Variants in LRTM1 observed in about 807,000 individuals in gnomAD.
The protein encoded by LRTM1 is leucine rich repeat transmembrane protein 1, also known as leucine-rich repeat and transmembrane domain-containing protein 1.
LRTM1 carries 38 observed loss-of-function variants against 32.4 expected under a neutral mutation model. The ratio of observed to expected loss-of-function variants is 1.17; its 90% CI spans 0.91 to 1.54. The LOEUF (loss-of-function observed/expected upper bound fraction) is 1.54. Ranked by LOEUF, LRTM1 falls within the 40% of genes most tolerant of loss-of-function variation. The pLI is 0.00. For missense variants in LRTM1, 466 were observed against 415.4 expected, an observed-to-expected ratio of 1.12 and a Z score of -1.06; for synonymous variants, 186 against 169.9, an observed-to-expected ratio of 1.09 and a Z score of -0.74.
In LRTM1 at chr3:54,918,432, G is replaced by T; in HGVS notation, c.*27C>A. 4 of 1,535,184 alleles carry T rather than the reference G, an allele frequency of 2.6e-6. No homozygotes were observed. In the South Asian group the frequency reaches 4.5e-5, roughly 17 times the overall value. ...CAGACACTATCTTCTGGCCTGCAAT[G>T]ACCAATCCTATTTGAGACAAAAGCT... On this transcript the variant is annotated 3_prime_UTR_variant, in exon 3 of 3. Transcript: ENST00000273286.
chr3:54,945,397 C>T (rs1377841007), intron 1 of LRTM1, among the ~76,000 whole-genome samples: 1 of 152,154 alleles, frequency 6.6e-6, no homozygotes, highest in African/African-American at 2.4e-5. Context: ...TCTTCAAATG[C>T]CATCTCTTTT....
intron 1 of LRTM1, among the ~76,000 whole-genome samples, chr3:54,926,251 T>G (rs1223164818): frequency 6.6e-6 from 1 of 152,198 alleles, no homozygotes; most frequent in Non-Finnish European, 1.5e-5. Flanking sequence ...TATAAATATG[T>G]ATATTAATTA....
exon 1 of LRTM1, chr3:54,966,982 G>A (rs182104028): frequency 6.6e-6 from 1 of 152,362 alleles, no homozygotes; most frequent in Admixed American, 6.5e-5. Context: ...CCAGCAGGGA[G>A]CAAGAACAGG....
At chr3:54,927,068 T>A (rs1240034404) in intron 1 of LRTM1, among the ~76,000 whole-genome samples, 1 of 152,162 alleles carries the variant, frequency 6.6e-6, no homozygotes, top group Non-Finnish European at 1.5e-5. Context: ...TATCCAAAAC[T>A]CAAAATAGTT....
At position 54,918,799 on chromosome 3, in the gene LRTM1, G is replaced by A; in HGVS notation, c.698C>T (p.Pro233Leu). ...RIPHELYQPC[P>L]LPAPDPVSSQ... ...GGACACTGGATCAGGAGCAGGAAGA[G>A]GGCAGGGCTGGTACAGCTCATGAGG... The change falls in exon 3 of 3, where the codon CCT (proline) becomes CTT (leucine). Residue 233 changes from proline to leucine, a missense_variant. Transcript: ENST00000273286. 1 of 1,613,848 alleles carries A rather than the reference G, an allele frequency of 6.2e-7. No homozygotes were observed. The highest frequency in any genetic ancestry group is 1.7e-5 in the Admixed American group (1 of 60,008).
At chr3:54,956,438 T>C (rs1701894933) in intron 1 of LRTM1, among the ~76,000 whole-genome samples, 1 of 152,216 alleles carries the variant, frequency 6.6e-6, no homozygotes, top group Non-Finnish European at 1.5e-5. Flanking sequence ...AACCTTCCTG[T>C]CTTTGTCTTT....
At chr3:54,955,418 C>T (rs1701862509) in intron 1 of LRTM1, among the ~76,000 whole-genome samples, 1 of 151,944 alleles carries the variant, frequency 6.6e-6, no homozygotes, top group Non-Finnish European at 1.5e-5. Flanking sequence ...GATGAGATTT[C>T]TAGGGCAGGG....
rs758377265 is a variant in LRTM1, at chr3:54,924,619, C to A, written c.604G>T (p.Gly202Trp). ...KLWLEKFVYK[G>W]GLTDGIICES... ...GGGGTTCCAAATAGACATGACTGAC[C>A]TTTATAGACAAATTTCTCCAGCCAG... The change falls in exon 2 of 3, where the codon GGG (glycine) becomes TGG (tryptophan). Residue 202 changes from glycine to tryptophan, a missense_variant and splice_region_variant. Gly to Trp is a radical substitution (Grantham distance 184, BLOSUM62 -2). Transcript: ENST00000273286. 1.2e-6 allele frequency: 2 copies of A among 1,612,398 alleles called. No individual in the cohort carries two copies. The highest frequency in any genetic ancestry group is 1.7e-6 in the Non-Finnish European group (2 of 1,178,790).
At chr3:54,930,847 A>G (rs898188020), upstream of LRTM1, among the ~76,000 whole-genome samples, 11 of 152,114 alleles carry the variant, frequency 7.2e-5, no homozygotes, top group African/African-American at 1.4e-4. Flanking sequence ...TGTAATCCCA[A>G]TATACTTTGG....
chr3:54,948,531 G>C (rs929845822), intron 1 of LRTM1, among the ~76,000 whole-genome samples: 5 of 151,318 alleles, frequency 3.3e-5, no homozygotes, highest in African/African-American at 1.2e-4. Flanking sequence ...TTCACCATGA[G>C]CACCTCTGCA....
chr3:54,933,299 T>C lies in LRTM1; in HGVS notation c.-221-8084A>G, dbSNP rs563894097. ...GCTATTTTAACAAACAACACCCAAA[T>C]CTCAGTGGTTTAACAGAATAGCTCA... On this transcript the variant is annotated intron_variant, in intron 1 of 2. Coordinates refer to the LRTM1 transcript ENST00000493075. 3.9e-5 allele frequency among the ~76,000 whole-genome samples: 6 copies of C among 152,308 alleles called. No individual in the cohort carries two copies. In the South Asian group the frequency reaches 1.2e-3, roughly 32 times the overall value.
Position 54,957,960 on chromosome 3 carries a change from A to G in LRTM1, c.-222+8968T>C, listed in dbSNP as rs1180039611. 2.0e-5 allele frequency among the ~76,000 whole-genome samples: 3 copies of G among 152,210 alleles called. No homozygotes were observed. In the East Asian group the frequency reaches 5.8e-4, roughly 29 times the overall value. On this transcript the variant is annotated intron_variant, in intron 1 of 2. Transcript: ENST00000493075. ...TTGGGACAGAGTCCAAACCACATGG[A>G]TGGCAGAGGTAGATGTCTGGAGAGA...
intron 1 of LRTM1, among the ~76,000 whole-genome samples, chr3:54,964,216 G>A (rs1437519747): frequency 6.6e-6 from 1 of 152,148 alleles, no homozygotes; most frequent in Non-Finnish European, 1.5e-5. Flanking sequence ...GTGTTCCTGG[G>A]TGGTGAGTAA....
intron 1 of LRTM1, among the ~76,000 whole-genome samples, chr3:54,926,505 TACACACACACACACACACACAC>T (rs36205023): frequency 1.3e-4 from 18 of 143,312 alleles, no homozygotes; most frequent in South Asian, 2.4e-4. Context: ...GCCTGTCAAA[TACACACACACACACACACACAC>T]ACACACACAC....
intron 1 of LRTM1, among the ~76,000 whole-genome samples, chr3:54,938,964 G>A (rs1025680928): frequency 6.6e-6 from 1 of 152,172 alleles, no homozygotes; most frequent in South Asian, 2.1e-4. Flanking sequence ...ACTTAGTCCA[G>A]AGGAAGTTGA....
chr3:54,930,550 A>G (rs915195264), upstream of LRTM1, among the ~76,000 whole-genome samples: 4 of 152,184 alleles, frequency 2.6e-5, no homozygotes, highest in African/African-American at 9.7e-5. Context: ...TGACAGCACA[A>G]TTGGATGTTG....
At chr3:54,965,503 C>T (rs149877783) in intron 1 of LRTM1, among the ~76,000 whole-genome samples, 38 of 152,288 alleles carry the variant, frequency 2.5e-4, no homozygotes, top group Admixed American at 8.5e-4. Flanking sequence ...ATTCTCTGCA[C>T]GCTCCAGTTC....
rs60257399 is a variant in LRTM1 at position 54,918,321 on chromosome 3, C to CTTTTTTTTTT, written c.*128_*137dup. 7.6e-5 allele frequency: 30 copies of CTTTTTTTTTT among 394,420 alleles called. No individual in the cohort carries two copies. The highest frequency in any genetic ancestry group is 5.9e-4 in the African/African-American group (20 of 34,130). 24.4% of individuals were successfully genotyped at this position (394,420 alleles called of 1,614,324 possible). On this transcript the variant is annotated 3_prime_UTR_variant, in exon 3 of 3. Transcript: ENST00000273286. ...CCAGAAATATTTTTTACAGACACAT[C>CTTTTTTTTTT]TTTTTTTTTTCTTTTTTTTTTTTTT...
intron 1 of LRTM1, 68 bp downstream of exon 1, chr3:54,927,837 C>A (rs868290469): frequency 8.4e-6 from 13 of 1,538,880 alleles, no homozygotes; most frequent in African/African-American, 2.7e-5. Flanking sequence ...CCCGCAGATA[C>A]CTTTGTGAGG....
Sources: allele counts gnomAD v4.1 joint callset (sites outside exome capture counted in the v4.1 genomes callset), GRCh38; gene constraint gnomAD v4.1.1; transcripts MANE v1.5; gene names NCBI Gene and HGNC (gene_info 2026-07-23, HGNC 2026-07-21).